CTNNA2: variants seen among roughly 807,000 people sequenced by gnomAD.
CTNNA2 encodes catenin alpha 2, also known as catenin alpha-2.
CTNNA2 carries 42 observed loss-of-function variants against 101.0 expected under a neutral mutation model. The observed-to-expected ratio is 0.42, with a 90% CI of 0.32 to 0.54. CTNNA2 has a LOEUF of 0.54. Ranked by LOEUF, CTNNA2 falls within the 20% of genes least tolerant of loss-of-function variation. CTNNA2 has a pLI of 0.14. For missense variants in CTNNA2, 871 were observed against 1,223.1 expected, an observed-to-expected ratio of 0.71 and a Z score of 4.29; for synonymous variants, 450 against 456.4, an observed-to-expected ratio of 0.99 and a Z score of 0.18.
chr2:79,453,879 A>G (rs1670782740), intron 4 of CTNNA2, among the ~76,000 whole-genome samples: 1 of 152,196 alleles, frequency 6.6e-6, no homozygotes, highest in African/African-American at 2.4e-5. Context: ...TAGAATAGAT[A>G]TGATCCCTAC....
chr2:79,215,692 A>T lies in CTNNA2; in HGVS notation c.-406+17616A>T, dbSNP rs530983261. ...CCTAAACGCTCTCTGATTTGGGATT[A>T]AAAAAAGGAGCATTAACCTTGACTA... On this transcript the variant is annotated intron_variant, in intron 2 of 21. Coordinates refer to the CTNNA2 transcript ENST00000466387. Among the ~76,000 whole-genome samples the T allele has an allele frequency of 1.7e-3, 263 of 152,164 alleles. 1 individual carries two copies. The highest frequency in any genetic ancestry group is 5.9e-3 in the African/African-American group (247 of 41,514).
chr2:79,862,685 G>C (rs1166684203), intron 4 of CTNNA2, among the ~76,000 whole-genome samples: 1 of 152,152 alleles, frequency 6.6e-6, no homozygotes, highest in Non-Finnish European at 1.5e-5. Flanking sequence ...ACTGTGCCAA[G>C]ATGTATTATT....
chr2:79,626,619 A>ATGTGTGTG (rs71867416), intron 1 of CTNNA2, among the ~76,000 whole-genome samples: 3 of 142,392 alleles, frequency 2.1e-5, no homozygotes, highest in Non-Finnish European at 4.6e-5. Context: ...GTGTGTGTGT[A>ATGTGTGTG]TGTGTGTGTG....
intron 1 of CTNNA2, among the ~76,000 whole-genome samples, chr2:79,592,607 C>T (rs1166954602): frequency 8.5e-5 from 13 of 152,126 alleles, no homozygotes; most frequent in Non-Finnish European, 1.5e-5. Flanking sequence ...CACACACATA[C>T]CCCACACAAA....
At chr2:80,606,401 CA>C (rs1558638119) in intron 16 of CTNNA2, among the ~76,000 whole-genome samples, 1 of 120,962 alleles carries the variant, frequency 8.3e-6, no homozygotes, top group East Asian at 2.5e-4. Flanking sequence ...CACACACACA[CA>C]CACACACACA....
In CTNNA2 at chr2:80,103,016, G is replaced by A. The variant is rs533883278; in HGVS notation, c.1056+193219G>A. On this transcript the variant is annotated intron_variant, in intron 7 of 18. Transcript: ENST00000402739. ...GAGTCCCAGTGAGTGAGGTCGGAGA[G>A]CAGCTTCAGTAGCTCCTGCTCATAT... is the stretch of plus-strand genomic sequence containing the variant. Among the ~76,000 whole-genome samples, 38 of 152,262 alleles carry A rather than the reference G, an allele frequency of 2.5e-4. No homozygotes were observed. The South Asian group carries it at 7.5e-3, about 30-fold the overall frequency.
chr2:79,989,836 G>A (rs1426047377), intron 7 of CTNNA2, among the ~76,000 whole-genome samples: 1 of 152,178 alleles, frequency 6.6e-6, no homozygotes, highest in Non-Finnish European at 1.5e-5. Context: ...GTCAGTGACA[G>A]GGTGACATTT....
intron 9 of CTNNA2, among the ~76,000 whole-genome samples, chr2:80,516,311 T>C (rs768370085): frequency 2.0e-5 from 3 of 152,188 alleles, no homozygotes; most frequent in Non-Finnish European, 2.9e-5. Flanking sequence ...TTGTTACCCA[T>C]ATGTAGGATG....
intron 2 of CTNNA2, among the ~76,000 whole-genome samples, chr2:79,681,018 GC>G: frequency 6.6e-6 from 1 of 151,968 alleles, no homozygotes; most frequent in South Asian, 2.1e-4. Context: ...TACTTGGGTG[GC>G]TGGTGCACAC....
intron 7 of CTNNA2, among the ~76,000 whole-genome samples, chr2:79,987,061 GGT>G (rs1040885741): frequency 1.3e-5 from 2 of 152,242 alleles, no homozygotes; most frequent in Non-Finnish European, 2.9e-5. Flanking sequence ...AGTGCTGTGT[GGT>G]GTTTGGTGTC....
intron 9 of CTNNA2, among the ~76,000 whole-genome samples, chr2:80,443,055 A>G (rs767786126): frequency 6.6e-5 from 10 of 152,184 alleles, no homozygotes; most frequent in Non-Finnish European, 1.5e-4. Context: ...AATTGGTGGA[A>G]AGATGAATTT....
chr2:80,238,117 C>T (rs1709641823), intron 7 of CTNNA2, among the ~76,000 whole-genome samples: 1 of 152,152 alleles, frequency 6.6e-6, no homozygotes, highest in Non-Finnish European at 1.5e-5. Context: ...CTGGCTCCAG[C>T]ACTGTTCTGG....
intron 4 of CTNNA2, among the ~76,000 whole-genome samples, chr2:79,863,945 A>T (rs920974743): frequency 1.2e-4 from 19 of 152,162 alleles, no homozygotes; most frequent in African/African-American, 3.9e-4. Flanking sequence ...TACTGAGGGA[A>T]GCTGCTGGCC....
At chr2:79,947,761 A>G (rs1042861144) in intron 7 of CTNNA2, among the ~76,000 whole-genome samples, 1 of 152,198 alleles carries the variant, frequency 6.6e-6, no homozygotes, top group East Asian at 1.9e-4. Flanking sequence ...GTAATTCAGC[A>G]CCTAGAAGAT....
chr2:79,476,238 A>G (rs80266224), intron 4 of CTNNA2, among the ~76,000 whole-genome samples: 6,933 of 152,246 alleles, frequency 0.046, 179 homozygotes, highest in Non-Finnish European at 0.052. Flanking sequence ...ATGACTGAGA[A>G]CAGAAGCTCA....
chr2:79,449,650 T>C (rs894965173), intron 4 of CTNNA2, among the ~76,000 whole-genome samples: 18 of 152,144 alleles, frequency 1.2e-4, no homozygotes, highest in Admixed American at 1.0e-3. Flanking sequence ...TCACTACATA[T>C]TGCTTTCCTT....
intron 9 of CTNNA2, among the ~76,000 whole-genome samples, chr2:80,479,677 GA>G (rs1387788071): frequency 1.3e-5 from 2 of 152,132 alleles, no homozygotes; most frequent in Admixed American, 6.6e-5. Flanking sequence ...CTACAAAGCT[GA>G]AATGTACTGC....
At chr2:80,457,616 C>G (rs1280880887) in intron 9 of CTNNA2, among the ~76,000 whole-genome samples, 2 of 152,102 alleles carry the variant, frequency 1.3e-5, no homozygotes, top group Non-Finnish European at 2.9e-5. Flanking sequence ...TCCTAGAATT[C>G]TTTCCAAACT....
At chr2:80,380,096 G>A (rs891692070) in intron 7 of CTNNA2, among the ~76,000 whole-genome samples, 6 of 144,192 alleles carry the variant, frequency 4.2e-5, no homozygotes, top group African/African-American at 1.6e-4. Context: ...GAGTGCAGTG[G>A]CACGATCTCG....
Sources: gnomAD v4.1 joint callset for allele counts (sites outside exome capture counted in the v4.1 genomes callset) on GRCh38, gnomAD v4.1.1 for gene constraint, MANE v1.5 for transcripts, NCBI Gene and HGNC (gene_info 2026-07-23, HGNC 2026-07-21) for gene names.